RGL1: variants seen among roughly 807,000 people sequenced by gnomAD.
RGL1 encodes ral guanine nucleotide dissociation stimulator like 1.
In RGL1, 24 loss-of-function variants were observed where a neutral mutation model predicts 95.2. The ratio of observed to expected loss-of-function variants is 0.25; its 90% confidence interval spans 0.18 to 0.35. The LOEUF (loss-of-function observed/expected upper bound fraction) is 0.35, where lower values mean the gene tolerates loss of function less well. Ranked by LOEUF, RGL1 falls within the 10% of genes least tolerant of loss-of-function variation. The pLI is 1.00. For synonymous variants in RGL1, 329 were observed against 344.9 expected (o/e 0.95, Z 0.51); for missense variants, 715 against 936.3 (o/e 0.76, Z 3.08).
At chr1:183,833,848 T>G (rs557095969) in intron 2 of RGL1, among the ~76,000 whole-genome samples, 1 of 152,276 alleles carries the variant, frequency 6.6e-6, no homozygotes, top group East Asian at 1.9e-4. Context: ...ATTCGGTTAA[T>G]GGCCCTACCT....
chr1:183,852,672 G>C (rs1274360489), intron 3 of RGL1, among the ~76,000 whole-genome samples: 1 of 152,044 alleles, frequency 6.6e-6, no homozygotes, highest in Non-Finnish European at 1.5e-5. Flanking sequence ...AAATTAGCTG[G>C]TATGGTGGCA....
At chr1:183,794,548 A>G (rs1295456653) in intron 2 of RGL1, among the ~76,000 whole-genome samples, 3 of 152,222 alleles carry the variant, frequency 2.0e-5, no homozygotes, top group African/African-American at 7.2e-5. Context: ...GTACCTCACA[A>G]ACATGTATCA....
chr1:183,899,950 A>C (rs1667921884), intron 10 of RGL1, among the ~76,000 whole-genome samples, 200 bp from the exon 11 acceptor site: 1 of 152,222 alleles, frequency 6.6e-6, no homozygotes, highest in African/African-American at 2.4e-5. Context: ...CTTGGTTTTC[A>C]TGATTTCACA....
At chr1:183,684,247 A>G (rs1200072032) in intron 1 of RGL1, among the ~76,000 whole-genome samples, 1 of 152,122 alleles carries the variant, frequency 6.6e-6, no homozygotes, top group Non-Finnish European at 1.5e-5. Context: ...GAGAAGAGGC[A>G]TTCTGGTTTT....
At chr1:183,656,955 C>A (rs573624796) in intron 1 of RGL1, among the ~76,000 whole-genome samples, 1 of 150,536 alleles carries the variant, frequency 6.6e-6, no homozygotes, top group Non-Finnish European at 1.5e-5. Context: ...CATTCTTTCC[C>A]CACAAAATGA....
At chr1:183,720,131 T>C (rs4609393) in intron 1 of RGL1, among the ~76,000 whole-genome samples, 72,725 of 151,990 alleles carry the variant, frequency 0.48, 17,959 homozygotes, top group East Asian at 0.76. Flanking sequence ...TAAGGATTCA[T>C]TAAGATACAT....
chr1:183,795,908 T>C (rs1660676032), intron 2 of RGL1, among the ~76,000 whole-genome samples: 1 of 152,198 alleles, frequency 6.6e-6, no homozygotes, highest in Admixed American at 6.5e-5. Context: ...CTAAAAAATC[T>C]TGAGCTACTC....
intron 2 of RGL1, among the ~76,000 whole-genome samples, chr1:183,779,176 C>CTTCT (rs1659756896): frequency 8.2e-6 from 1 of 121,834 alleles, no homozygotes; most frequent in African/African-American, 3.1e-5. Context: ...TCCTTCCTTC[C>CTTCT]TTCCTTCCTT....
intron 2 of RGL1, among the ~76,000 whole-genome samples, chr1:183,759,265 G>A (rs1237797818): frequency 6.6e-6 from 1 of 152,192 alleles, no homozygotes; most frequent in Non-Finnish European, 1.5e-5. Context: ...TCTGTATTGG[G>A]GTTTTTGAGG....
chr1:183,728,993 A>C (rs1018667587), intron 1 of RGL1, among the ~76,000 whole-genome samples: 19 of 152,212 alleles, frequency 1.2e-4, no homozygotes, highest in African/African-American at 4.6e-4. Context: ...CTTAAATGTA[A>C]ATGCTAAAAC....
At chr1:183,648,189 A>T (rs1227701278) in intron 1 of RGL1, 4 of 1,614,198 alleles carry the variant, frequency 2.5e-6, no homozygotes, top group Non-Finnish European at 3.4e-6. Context: ...AAAGCTGTGG[A>T]GAACAGAATG....
rs1383834638 is a variant in RGL1 at position 183,927,774 on chromosome 1, GAACA to G, written c.*1486_*1489del. 6.6e-6 allele frequency: 1 copy of G among 152,538 alleles called. No individual in the cohort carries two copies. Among genetic ancestry groups the G allele is most frequent in the Non-Finnish European group, 1.5e-5 (1 of 67,994 alleles). The allele number at this position is 152,538 out of a possible 1,614,324, so 9.4% of individuals were successfully genotyped here. On this transcript the variant is annotated 3_prime_UTR_variant, in exon 18 of 18. Coordinates refer to ENST00000360851, the MANE Select transcript of RGL1 (RefSeq NM_001297671.3). ...CCAGTTTTTATTCCAAAAATTTAGA[GAACA>G]AACCCGGAATATGAAGTGCAGATTG...
At chr1:183,874,523 T>A (rs1666373419) in intron 4 of RGL1, among the ~76,000 whole-genome samples, 1 of 151,682 alleles carries the variant, frequency 6.6e-6, no homozygotes, top group Non-Finnish European at 1.5e-5. Context: ...TTTTTTTTTC[T>A]CTTCTCTCCC....
At chr1:183,684,800 C>T (rs1437294418) in intron 1 of RGL1, among the ~76,000 whole-genome samples, 2 of 152,176 alleles carry the variant, frequency 1.3e-5, no homozygotes, top group Non-Finnish European at 2.9e-5. Context: ...TGCACTGTCC[C>T]TCATGGCACA....
At chr1:183,723,510 G>T (rs1215093841) in intron 1 of RGL1, among the ~76,000 whole-genome samples, 1 of 152,242 alleles carries the variant, frequency 6.6e-6, no homozygotes, top group Non-Finnish European at 1.5e-5. Flanking sequence ...GCGGGAGGGA[G>T]AGTACAGTGA....
chr1:183,912,022 C>T (rs1354461593), intron 14 of RGL1, 60 bp from the exon 15 acceptor site: 21 of 1,462,158 alleles, frequency 1.4e-5, no homozygotes, highest in Non-Finnish European at 1.9e-5. Context: ...AAAATATTTG[C>T]CTAATCATGG....
chr1:183,778,571 G>A (rs922463207), intron 2 of RGL1, among the ~76,000 whole-genome samples: 1 of 152,188 alleles, frequency 6.6e-6, no homozygotes, highest in African/African-American at 2.4e-5. Flanking sequence ...GGGGTAAACA[G>A]AGAAACTGTG....
intron 1 of RGL1, among the ~76,000 whole-genome samples, chr1:183,716,127 T>C (rs78923560): frequency 0.012 from 1,881 of 152,294 alleles, 47 homozygotes; most frequent in African/African-American, 0.043. Flanking sequence ...AAACCAACTA[T>C]CCGGATACCA....
intron 1 of RGL1, chr1:183,647,601 A>G: frequency 3.3e-6 from 5 of 1,499,844 alleles, no homozygotes; most frequent in Non-Finnish European, 4.4e-6. Flanking sequence ...CAGCCCTGAG[A>G]GAGAAAGTTT....
Sources: allele counts gnomAD v4.1 joint callset (sites outside exome capture counted in the v4.1 genomes callset), GRCh38; gene constraint gnomAD v4.1.1; transcripts MANE v1.5; gene names NCBI Gene and HGNC (gene_info 2026-07-23, HGNC 2026-07-21).